Variants in DCTD observed in about 807,000 individuals in gnomAD.
The protein encoded by DCTD is dCMP deaminase, also known as deoxycytidylate deaminase.
Under a neutral mutation model 21.0 loss-of-function variants are expected in DCTD, and 23 were observed. The observed-to-expected ratio is 1.09, with a 90% CI of 0.79 to 1.55. The LOEUF is 1.55. Among genes scored for constraint, DCTD ranks in the 40% most tolerant of loss-of-function variants. The pLI is 0.00. For synonymous variants in DCTD, 71 were observed against 81.1 expected, an observed-to-expected ratio of 0.88 and a Z score of 0.67; for missense variants, 224 against 230.0, an observed-to-expected ratio of 0.97 and a Z score of 0.17.
At chr4:182,909,352 C>T (rs1737280604) in intron 3 of DCTD, among the ~76,000 whole-genome samples, 1 of 152,178 alleles carries the variant, frequency 6.6e-6, no homozygotes, top group African/African-American at 2.4e-5. Flanking sequence ...ACGATCACAG[C>T]TGAGTTTGCC....
intron 3 of DCTD, among the ~76,000 whole-genome samples, chr4:182,913,966 G>GCTTTTT (rs138619205): frequency 0.013 from 1,884 of 150,414 alleles, 28 homozygotes; most frequent in African/African-American, 0.043. Flanking sequence ...TACACTTCTA[G>GCTTTTT]CTTTTTCTTT....
intron 2 of DCTD, 105 bp downstream of exon 2, chr4:182,915,356 G>T: frequency 2.4e-6 from 2 of 837,920 alleles, no homozygotes; most frequent in Non-Finnish European, 4.0e-6. Flanking sequence ...GACCGACCCT[G>T]CACTTTTAAG....
intron 3 of DCTD, among the ~76,000 whole-genome samples, chr4:182,906,043 C>A (rs961821231): frequency 6.6e-6 from 1 of 152,050 alleles, no homozygotes; most frequent in African/African-American, 2.4e-5. Context: ...CCAGCACCCA[C>A]CCCCTCCAAG....
chr4:182,912,001 T>C (rs563072083), intron 3 of DCTD, among the ~76,000 whole-genome samples: 1 of 152,254 alleles, frequency 6.6e-6, no homozygotes, highest in Admixed American at 6.5e-5. Context: ...TAAAGCTCCT[T>C]TACAGGGATT....
chr4:182,893,571 G>A (rs956207452), intron 4 of DCTD, among the ~76,000 whole-genome samples: 1 of 152,244 alleles, frequency 6.6e-6, no homozygotes, highest in Non-Finnish European at 1.5e-5. Flanking sequence ...ACAGAGGGCA[G>A]ATCTGTTTTC....
At chr4:182,915,768 AT>A in intron 1 of DCTD, 193 bp from the exon 2 acceptor site, 2 of 856,274 alleles carry the variant, frequency 2.3e-6, no homozygotes, top group Non-Finnish European at 3.3e-6. Flanking sequence ...GAAATTTCCT[AT>A]TTCAGAAGTT....
rs575373602 is a variant in DCTD at position 182,890,984 on chromosome 4, T to A, written c.*415A>T. ...TGGGCCAGATGTTCAGATCAGTGTG[T>A]CTGCTCGTCCCCATTAAGAACACAA... On this transcript the variant is annotated 3_prime_UTR_variant, in exon 6 of 6. Coordinates refer to ENST00000438320, the MANE Select transcript of DCTD (RefSeq NM_001921.3). 1.2e-5 allele frequency: 2 copies of A among 163,528 alleles called. No individual in the cohort carries two copies. The highest frequency in any genetic ancestry group is 1.2e-4 in the Admixed American group (2 of 16,832). The allele number at this position is 163,528 out of a possible 1,614,324, so 10.1% of individuals were successfully genotyped here. A position where few individuals can be genotyped will look rare whatever the true frequency, so the allele number is the denominator to read the frequency against.
chr4:182,902,957 T>G (rs941860948), intron 3 of DCTD, among the ~76,000 whole-genome samples: 3 of 152,154 alleles, frequency 2.0e-5, no homozygotes, highest in Non-Finnish European at 4.4e-5. Flanking sequence ...TGTAGAAAAA[T>G]GTATGTGGAT....
intron 3 of DCTD, among the ~76,000 whole-genome samples, chr4:182,905,326 C>CTTTTT (rs70956544): frequency 8.2e-6 from 1 of 121,576 alleles, no homozygotes; most frequent in Non-Finnish European, 1.7e-5. Context: ...AGCCCGCCTT[C>CTTTTT]TTTTTTTTTT....
intron 3 of DCTD, among the ~76,000 whole-genome samples, chr4:182,903,272 T>TCTGCCTCCC (rs1736070925): frequency 6.6e-6 from 1 of 152,120 alleles, no homozygotes. Flanking sequence ...TGACAGCGCT[T>TCTGCCTCCC]CTGCCTCCCC....
intron 3 of DCTD, among the ~76,000 whole-genome samples, chr4:182,896,542 G>C (rs1323422608): frequency 6.6e-6 from 1 of 152,144 alleles, no homozygotes; most frequent in Non-Finnish European, 1.5e-5. Context: ...GCCATGCCCC[G>C]AGACTTGCAG....
chr4:182,903,495 C>T (rs935236730), intron 3 of DCTD, among the ~76,000 whole-genome samples: 7 of 152,138 alleles, frequency 4.6e-5, no homozygotes, highest in African/African-American at 1.7e-4. Context: ...TGGAGAAACC[C>T]GCCGCATGCG....
intron 3 of DCTD, among the ~76,000 whole-genome samples, chr4:182,899,135 A>T (rs996894253): frequency 6.6e-6 from 1 of 152,108 alleles, no homozygotes; most frequent in Non-Finnish European, 1.5e-5. Flanking sequence ...GGCTCTGATG[A>T]CCTGATGAGA....
chr4:182,906,968 A>G (rs1364632192), intron 3 of DCTD, among the ~76,000 whole-genome samples: 1 of 152,218 alleles, frequency 6.6e-6, no homozygotes, highest in East Asian at 1.9e-4. Flanking sequence ...GGATTTCCCA[A>G]TGTCAAGCAA....
chr4:182,912,932 C>T (rs1156814958), intron 3 of DCTD, among the ~76,000 whole-genome samples: 2 of 152,188 alleles, frequency 1.3e-5, no homozygotes, highest in Non-Finnish European at 1.5e-5. Context: ...GCCATCCCCC[C>T]AGAATTCCTC....
intron 1 of DCTD, chr4:182,916,411 G>A: frequency 1.0e-6 from 1 of 985,616 alleles, no homozygotes; most frequent in Non-Finnish European, 1.2e-6. Context: ...CAAAAACGGG[G>A]TGGGTACCAC....
chr4:182,900,042 C>G (rs1402499735), intron 3 of DCTD, among the ~76,000 whole-genome samples: 1 of 152,164 alleles, frequency 6.6e-6, no homozygotes, highest in Non-Finnish European at 1.5e-5. Flanking sequence ...GGGCCAGGTG[C>G]AGTAGTTCAT....
At chr4:182,900,184 C>A (rs917516269) in intron 3 of DCTD, among the ~76,000 whole-genome samples, 2 of 152,090 alleles carry the variant, frequency 1.3e-5, no homozygotes, top group Non-Finnish European at 2.9e-5. Flanking sequence ...GGTATGGTGG[C>A]GTGCACCTGT....
intron 1 of DCTD, 29 bp from the exon 2 acceptor site, chr4:182,915,604 T>A (rs375369534): frequency 1.3e-5 from 18 of 1,421,410 alleles, no homozygotes; most frequent in African/African-American, 2.8e-5. Context: ...AAAACAGAAG[T>A]TGAGAGAAGC....
Sources: gnomAD v4.1 joint callset for allele counts (sites outside exome capture counted in the v4.1 genomes callset) on GRCh38, gnomAD v4.1.1 for gene constraint, MANE v1.5 for transcripts, NCBI Gene and HGNC (gene_info 2026-07-23, HGNC 2026-07-21) for gene names.